Variants in AFF3 observed in about 807,000 individuals in gnomAD.
AFF3 encodes AF4/FMR2 family member 3.
Under a neutral mutation model 129.7 loss-of-function variants are expected in AFF3, and 32 were observed. That is an observed-to-expected ratio of 0.25 (90% CI 0.19 to 0.33). AFF3 has a LOEUF of 0.33. AFF3 is among the 10% of genes least tolerant of loss of function. The pLI, the probability that AFF3 is intolerant of heterozygous loss-of-function variation, is 1.00. For synonymous variants in AFF3, 644 were observed against 635.4 expected, an observed-to-expected ratio of 1.01 and a Z score of -0.20; for missense variants, 1,373 against 1,592.0, an observed-to-expected ratio of 0.86 and a Z score of 2.34.
At chr2:99,956,015 A>G (rs1676606367) in intron 7 of AFF3, among the ~76,000 whole-genome samples, 1 of 152,176 alleles carries the variant, frequency 6.6e-6, no homozygotes, top group African/African-American at 2.4e-5. Flanking sequence ...TAAAATTATC[A>G]TGTACAGGCA....
rs995932389 is a variant in AFF3, at chr2:100,105,441, G to A, written c.-65+63C>T. Reference sequence around the variant, plus strand: ...CCGTTGCGGTTTGGCCTCCAGTGGTGGTCCCACCCACCCTCTAGCTGGCCA... The same window carrying A: ...CCGTTGCGGTTTGGCCTCCAGTGGTAGTCCCACCCACCCTCTAGCTGGCCA... On this transcript the variant is annotated intron_variant, in intron 3 of 24. Transcript: ENST00000672756. The A allele has an allele frequency of 2.0e-5, 27 of 1,320,744 alleles. No homozygotes were observed. The Admixed American group carries it at 4.6e-4, about 22-fold the overall frequency. The allele number at this position is 1,320,744 out of a possible 1,614,324, so 81.8% of individuals were successfully genotyped here. A position where few individuals can be genotyped will look rare whatever the true frequency, so the allele number is the denominator to read the frequency against.
At chr2:99,842,153 T>C (rs766007218) in intron 7 of AFF3, among the ~76,000 whole-genome samples, 16 of 152,250 alleles carry the variant, frequency 1.1e-4, no homozygotes, top group Admixed American at 3.3e-4. Flanking sequence ...CACCTTATCT[T>C]TTCCAAATTA....
chr2:99,643,203 G>A (rs527783473), intron 13 of AFF3, among the ~76,000 whole-genome samples: 2 of 151,984 alleles, frequency 1.3e-5, no homozygotes, highest in African/African-American at 2.4e-5. Flanking sequence ...GGGATTACAG[G>A]TGCACGCCAC....
rs1440262344 is a variant in AFF3, at chr2:100,009,797, A to G, written c.54-865T>C. On this transcript the variant is annotated intron_variant, in intron 4 of 24. Transcript: ENST00000672756. ...GTGACCTGTTTACTGAAGGAAGGAA[A>G]TGCACTTGTTTTTCTGGCTCCCTGG... 2.7e-4 allele frequency among the ~76,000 whole-genome samples: 41 copies of G among 152,192 alleles called. 1 individual carries two copies.
intron 7 of AFF3, among the ~76,000 whole-genome samples, chr2:99,910,167 T>A (rs2106192426): frequency 6.6e-6 from 1 of 152,314 alleles, no homozygotes; most frequent in East Asian, 1.9e-4. Flanking sequence ...TCGCTAAATA[T>A]TAATTCTATT....
intron 4 of AFF3, among the ~76,000 whole-genome samples, chr2:100,076,839 G>A (rs780232605): frequency 8.5e-5 from 13 of 152,134 alleles, no homozygotes; most frequent in Non-Finnish European, 1.5e-4. Flanking sequence ...TGCTATCAAC[G>A]TTATGTATGT....
intron 7 of AFF3, among the ~76,000 whole-genome samples, chr2:99,872,718 TC>T (rs1691974716): frequency 6.6e-6 from 1 of 152,198 alleles, no homozygotes; most frequent in African/African-American, 2.4e-5. Context: ...CATGCATCGG[TC>T]ATTTAGAAAA....
intron 2 of AFF3, among the ~76,000 whole-genome samples, chr2:100,116,053 C>T (rs1194208052): frequency 6.6e-6 from 1 of 151,942 alleles, no homozygotes; most frequent in African/African-American, 2.4e-5. Flanking sequence ...ATAGTTACAC[C>T]ATCCTGTTGA....
intron 7 of AFF3, among the ~76,000 whole-genome samples, chr2:99,915,255 A>C (rs532913172): frequency 6.6e-6 from 1 of 152,344 alleles, no homozygotes; most frequent in South Asian, 2.1e-4. Context: ...ATAAAAAAAA[A>C]CCAGAGCCAC....
chr2:99,855,994 C>A (rs937561914), intron 7 of AFF3, among the ~76,000 whole-genome samples: 2 of 151,978 alleles, frequency 1.3e-5, no homozygotes, highest in African/African-American at 2.4e-5. Flanking sequence ...CATACAAATC[C>A]AAATTGAGGG....
intron 7 of AFF3, among the ~76,000 whole-genome samples, chr2:99,917,340 G>C (rs548736424): frequency 6.6e-6 from 1 of 152,160 alleles, no homozygotes; most frequent in African/African-American, 2.4e-5. Context: ...CAGAGGGCAG[G>C]AGATCCTGAT....
intron 7 of AFF3, among the ~76,000 whole-genome samples, chr2:99,890,148 C>T (rs1013907490): frequency 3.3e-5 from 5 of 152,196 alleles, no homozygotes; most frequent in Non-Finnish European, 5.9e-5. Context: ...TACCAGCATA[C>T]GCCTGGAGTG....
chr2:99,736,035 T>G (rs897689575), intron 10 of AFF3, among the ~76,000 whole-genome samples: 2 of 152,206 alleles, frequency 1.3e-5, no homozygotes. Flanking sequence ...TAAAATCTGT[T>G]GAAACTTGCT....
At chr2:99,662,531 GGTTAA>G (rs1225178604) in intron 12 of AFF3, among the ~76,000 whole-genome samples, 2 of 152,122 alleles carry the variant, frequency 1.3e-5, no homozygotes, top group South Asian at 2.1e-4. Flanking sequence ...AAATATCTGT[GGTTAA>G]GTTATCATAA....
chr2:99,771,189 A>G (rs965156655), intron 8 of AFF3, among the ~76,000 whole-genome samples: 1 of 152,182 alleles, frequency 6.6e-6, no homozygotes. Flanking sequence ...GTTTTCACTT[A>G]TAAGTGGGAG....
chr2:100,127,448 C>A (rs192827412), intron 2 of AFF3, among the ~76,000 whole-genome samples: 1 of 152,152 alleles, frequency 6.6e-6, no homozygotes, highest in Non-Finnish European at 1.5e-5. Context: ...TGCTTGGTGT[C>A]GGAGTCAGAA....
intron 4 of AFF3, among the ~76,000 whole-genome samples, chr2:100,041,249 T>C (rs1438549901): frequency 6.6e-6 from 1 of 152,252 alleles, no homozygotes. Context: ...GTTTTCAACA[T>C]ATACCTTGGA....
intron 4 of AFF3, among the ~76,000 whole-genome samples, chr2:100,052,478 C>T (rs1686418839): frequency 6.6e-6 from 1 of 152,086 alleles, no homozygotes; most frequent in African/African-American, 2.4e-5. Flanking sequence ...TGGAGCTGAC[C>T]ATATCCTGCC....
intron 10 of AFF3, among the ~76,000 whole-genome samples, chr2:99,743,895 T>C (rs955560015): frequency 6.6e-6 from 1 of 152,204 alleles, no homozygotes; most frequent in Non-Finnish European, 1.5e-5. Context: ...TTTTCTGTTT[T>C]GGCCTTCCTT....
Sources: allele counts gnomAD v4.1 joint callset (sites outside exome capture counted in the v4.1 genomes callset), GRCh38; gene constraint gnomAD v4.1.1; transcripts MANE v1.5; gene names NCBI Gene and HGNC (gene_info 2026-07-23, HGNC 2026-07-21).